Variants in SULF2 observed in about 807,000 individuals in gnomAD.
SULF2 encodes the protein extracellular sulfatase Sulf-2.
A neutral mutation model predicts 107.7 loss-of-function variants in SULF2; 52 were observed. That is an observed-to-expected ratio of 0.48 (90% CI 0.39 to 0.61). The LOEUF (loss-of-function observed/expected upper bound fraction) is 0.61. Among genes scored for constraint, SULF2 ranks in the 20% least tolerant of loss-of-function variants. The pLI is 0.00. For missense variants in SULF2, 993 were observed against 1,177.3 expected (o/e 0.84, Z 2.29); for synonymous variants, 460 against 464.3 (o/e 0.99, Z 0.12).
chr20:47,757,417 C>CT lies in SULF2; in HGVS notation c.-55_-54insA. ...TTTGGGATGCGGGAGTCTCAAGTTG[C>CT]GTCTGTGGCTTTGTTTCTTTTCCCT... On this transcript the variant is annotated 5_prime_UTR_variant, in exon 2 of 21. Coordinates refer to ENST00000688720, the MANE Select transcript of SULF2 (RefSeq NM_001387048.1). 1 of 1,504,232 alleles carries CT rather than the reference C, an allele frequency of 6.6e-7. No homozygotes were observed. The highest frequency in any genetic ancestry group is 2.5e-5 in the East Asian group (1 of 40,644). 93.2% of individuals were successfully genotyped at this position (1,504,232 alleles called of 1,614,324 possible).
intron 2 of SULF2, among the ~76,000 whole-genome samples, chr20:47,737,755 G>GTTTTTTTTTTTTTTTTTTTT (rs11484375): frequency 3.2e-5 from 2 of 61,832 alleles, no homozygotes; most frequent in African/African-American, 6.3e-5. Flanking sequence ...TCTTTTCTTT[G>GTTTTTTTTTTTTTTTTTTTT]TTTTTTTTTT....
chr20:47,730,823 CT>C (rs1415711962), intron 3 of SULF2, among the ~76,000 whole-genome samples: 2 of 152,166 alleles, frequency 1.3e-5, no homozygotes, highest in African/African-American at 4.8e-5. Flanking sequence ...CTCCAGTATG[CT>C]TTTCCTTATT....
chr20:47,725,604 C>T (rs1046057663), intron 3 of SULF2, among the ~76,000 whole-genome samples: 3 of 152,204 alleles, frequency 2.0e-5, no homozygotes, highest in Non-Finnish European at 4.4e-5. Flanking sequence ...AAGCCGGTGG[C>T]CTGCAGACCA....
At chr20:47,775,043 T>C (rs2090700082) in intron 1 of SULF2, among the ~76,000 whole-genome samples, 1 of 152,186 alleles carries the variant, frequency 6.6e-6, no homozygotes, top group African/African-American at 2.4e-5. Context: ...GTAGTAAGTG[T>C]TGGGCTCTGC....
chr20:47,695,340 G>A (rs998169974), intron 4 of SULF2, among the ~76,000 whole-genome samples: 1 of 152,136 alleles, frequency 6.6e-6, no homozygotes, highest in Non-Finnish European at 1.5e-5. Context: ...CTGTGAAGTA[G>A]AGTACTGTTA....
At chr20:47,763,016 G>A (rs1345968976) in intron 1 of SULF2, among the ~76,000 whole-genome samples, 1 of 152,198 alleles carries the variant, frequency 6.6e-6, no homozygotes, top group African/African-American at 2.4e-5. Flanking sequence ...AATTAAAGAT[G>A]ACACAAGGGA....
chr20:47,731,215 CAG>C (rs1260012408), intron 3 of SULF2, among the ~76,000 whole-genome samples: 3 of 69,264 alleles, frequency 4.3e-5, no homozygotes, highest in Non-Finnish European at 6.9e-5. Context: ...TTTTTTGAGA[CAG>C]AGTCTTACTC....
chr20:47,665,741 C>T (rs948241256), intron 13 of SULF2, 116 bp downstream of exon 13: 2 of 827,154 alleles, frequency 2.4e-6, no homozygotes, highest in East Asian at 2.4e-5. Context: ...GGGGACCTCA[C>T]TTCACCTCTC....
intron 1 of SULF2, among the ~76,000 whole-genome samples, chr20:47,782,572 G>A (rs543692604): frequency 6.6e-6 from 1 of 152,238 alleles, no homozygotes; most frequent in Admixed American, 6.5e-5. Flanking sequence ...CCAGGCCATC[G>A]AGACTCCATC....
At chr20:47,747,016 T>TACACAC (rs1487483656) in intron 2 of SULF2, among the ~76,000 whole-genome samples, 6,467 of 78,356 alleles carry the variant, frequency 0.083, 184 homozygotes, top group South Asian at 0.17. Flanking sequence ...TATATATATA[T>TACACAC]ATACACACAC....
intron 6 of SULF2, 145 bp downstream of exon 6, chr20:47,684,286 C>G: frequency 3.6e-6 from 3 of 833,422 alleles, no homozygotes; most frequent in South Asian, 2.0e-5. Context: ...CCAAGCTGTT[C>G]CCCAGGTCTA....
chr20:47,670,409 C>T (rs755988979), intron 11 of SULF2, among the ~76,000 whole-genome samples: 13 of 151,528 alleles, frequency 8.6e-5, no homozygotes, highest in Non-Finnish European at 1.5e-4. Flanking sequence ...CCAGACTGGT[C>T]TCGAACTTCT....
chr20:47,753,105 AAAAAAAAAAAAAAAG>A (rs1399551342), intron 2 of SULF2, among the ~76,000 whole-genome samples: 2 of 149,304 alleles, frequency 1.3e-5, no homozygotes, highest in Non-Finnish European at 3.0e-5. Context: ...TCTCAAAAAA[AAAAAAAAAAAAAAAG>A]AAAGAAAAGA....
At chr20:47,688,254 C>T (rs1258828480) in intron 5 of SULF2, among the ~76,000 whole-genome samples, 1 of 152,180 alleles carries the variant, frequency 6.6e-6, no homozygotes, top group East Asian at 1.9e-4. Context: ...ATTTAACATC[C>T]TAGCTGCAGG....
chr20:47,741,934 G>A (rs937073833), intron 2 of SULF2, among the ~76,000 whole-genome samples: 11 of 152,350 alleles, frequency 7.2e-5, no homozygotes, highest in African/African-American at 2.6e-4. Context: ...CTCAGATCCA[G>A]GGTCTCGAAA....
intron 2 of SULF2, among the ~76,000 whole-genome samples, chr20:47,747,943 C>G (rs2090081599): frequency 6.6e-6 from 1 of 152,190 alleles, no homozygotes; most frequent in Admixed American, 6.5e-5. Flanking sequence ...CCGTCCTGCT[C>G]CGTACCACCA....
chr20:47,658,330 C>T lies in SULF2; in HGVS notation c.*32G>A, dbSNP rs770659776. 6.2e-7 allele frequency: 1 copy of T among 1,612,978 alleles called. No homozygotes were observed. Among genetic ancestry groups the T allele is most frequent in the Non-Finnish European group, 8.5e-7 (1 of 1,179,066 alleles). Reference sequence around the variant, plus strand: ...TTGCCTGTGCAGTCAGGTGATGCCTCTATGTTTTTGGAGGTCCACCTCTGT... The same window carrying T: ...TTGCCTGTGCAGTCAGGTGATGCCTTTATGTTTTTGGAGGTCCACCTCTGT... On this transcript the variant is annotated 3_prime_UTR_variant, in exon 21 of 21. Coordinates refer to ENST00000688720, the MANE Select transcript of SULF2 (RefSeq NM_001387048.1).
intron 10 of SULF2, 31 bp downstream of exon 10, chr20:47,676,463 G>A (rs1480398708): frequency 1.3e-6 from 2 of 1,599,088 alleles, no homozygotes; most frequent in Admixed American, 1.7e-5. Flanking sequence ...TCAGGAGGGG[G>A]AGCCGTTGGG....
At chr20:47,729,000 AC>A (rs2089523481) in intron 3 of SULF2, among the ~76,000 whole-genome samples, 3 of 152,230 alleles carry the variant, frequency 2.0e-5, no homozygotes, top group African/African-American at 7.2e-5. Context: ...GGCAGAATAC[AC>A]AGTCAGTGGT....
Sources: allele counts gnomAD v4.1 joint callset (sites outside exome capture counted in the v4.1 genomes callset), GRCh38; gene constraint gnomAD v4.1.1; transcripts MANE v1.5; gene names NCBI Gene and HGNC (gene_info 2026-07-23, HGNC 2026-07-21).